The following FHDC1 variants were observed in gnomAD, a reference collection of about 807,000 sequenced individuals.
FHDC1 encodes FH2 domain-containing protein 1.
In FHDC1, 25 loss-of-function variants were observed where a neutral mutation model predicts 52.6. The observed-to-expected ratio is 0.48, with a 90% CI of 0.35 to 0.66. The LOEUF (loss-of-function observed/expected upper bound fraction) is 0.66. FHDC1 is among the 30% of genes least tolerant of loss of function. The pLI is 0.01. For synonymous variants in FHDC1, 616 were observed against 581.5 expected (o/e 1.06, Z -0.85); for missense variants, 1,459 against 1,452.8 (o/e 1.00, Z -0.07).
At position 152,943,158 on chromosome 4, in the gene FHDC1, C is replaced by G. The variant is rs1206458771; in HGVS notation, c.101C>G (p.Pro34Arg). Reference protein sequence around the residue: ...FMIGQTPPPAPPPPPPPPPPS... With the variant: ...FMIGQTPPPARPPPPPPPPPS... ...ATTGGGCAGACACCTCCTCCAGCAC[C>G]TCCTCCACCTCCTCCTCCACCCCCT... Residue 34 changes from proline (P) to arginine (R), a missense_variant, in exon 2 of 12, where the codon CCT becomes CGT. Transcript: ENST00000511601. 2.5e-6 allele frequency: 4 copies of G among 1,613,098 alleles called. No individual in the cohort carries two copies. The Admixed American group carries it at 6.7e-5, about 27-fold the overall frequency.
At chr4:152,927,677 A>G in the FHDC1 span, 1 of 1,573,778 alleles carries the variant, frequency 6.4e-7, no homozygotes, top group South Asian at 1.1e-5. Context: ...ATTCAAAAAC[A>G]TGGTAAGAGG....
chr4:152,976,068 G>T lies in FHDC1; in HGVS notation c.2777G>T (p.Gly926Val), dbSNP rs773446032. The change falls in exon 12 of 12, where the codon GGG becomes GTG. Residue 926 changes from glycine (G) to valine (V), a missense_variant. Physicochemically the swap from Gly to Val is moderately radical, Grantham distance 109. Transcript: ENST00000511601. ...AGGCGACCAGAGCTGTCATCCCGGG[G>T]GCCCTCCCAGAATCCCCCCAGCAGC... The part of the protein sequence containing the change: ...GWRRPELSSR[G>V]PSQNPPSSTD... 1.9e-6 allele frequency: 3 copies of T among 1,600,538 alleles called. No homozygotes were observed. The African/African-American group carries it at 4.0e-5, about 22-fold the overall frequency.
At chr4:152,964,646 C>G (rs1477344625) in intron 8 of FHDC1, among the ~76,000 whole-genome samples, 1 of 152,212 alleles carries the variant, frequency 6.6e-6, no homozygotes, top group Non-Finnish European at 1.5e-5. Flanking sequence ...ACAAGGGGCC[C>G]TGCTGAGCTG....
chr4:152,972,751 A>G (rs1740679113), intron 11 of FHDC1, among the ~76,000 whole-genome samples: 1 of 152,036 alleles, frequency 6.6e-6, no homozygotes, highest in Non-Finnish European at 1.5e-5. Flanking sequence ...CATCAGGGGG[A>G]GGCATTTGAC....
chr4:152,972,990 G>C (rs547730599), intron 11 of FHDC1, among the ~76,000 whole-genome samples: 11 of 152,266 alleles, frequency 7.2e-5, no homozygotes, highest in African/African-American at 2.6e-4. Context: ...AAGCTCTGCT[G>C]CCGTCACTGT....
chr4:152,932,796 TG>T (rs1265495981), upstream of FHDC1, among the ~76,000 whole-genome samples: 3 of 152,244 alleles, frequency 2.0e-5, no homozygotes, highest in Non-Finnish European at 4.4e-5. Flanking sequence ...CTGTTTTACA[TG>T]GATTCTGAAA....
chr4:152,918,340 C>G, the FHDC1 span: 1 of 152,230 alleles, frequency 6.6e-6, no homozygotes, highest in Non-Finnish European at 1.5e-5. Flanking sequence ...AGTGAACTAA[C>G]TTCAACAATT....
At chr4:152,962,963 G>GTGTA in intron 7 of FHDC1, 60 bp from the exon 8 acceptor site, 1 of 1,489,708 alleles carries the variant, frequency 6.7e-7, no homozygotes, top group Non-Finnish European at 9.4e-7. Flanking sequence ...GTGTGTGTGT[G>GTGTA]TGTGTGTGTG....
At chr4:152,954,774 A>G (rs993061803) in intron 4 of FHDC1, among the ~76,000 whole-genome samples, 5 of 152,172 alleles carry the variant, frequency 3.3e-5, no homozygotes, top group Admixed American at 1.3e-4. Flanking sequence ...TCTCACATAA[A>G]AGTAAAAAGT....
intron 1 of FHDC1, among the ~76,000 whole-genome samples, chr4:152,937,673 G>A (rs1739434023): frequency 6.6e-6 from 1 of 151,798 alleles, no homozygotes; most frequent in Non-Finnish European, 1.5e-5. Flanking sequence ...TCTCCCCGCC[G>A]CAGAGCTGGC....
chr4:152,946,358 G>A (rs1739731867), intron 2 of FHDC1, among the ~76,000 whole-genome samples: 1 of 152,140 alleles, frequency 6.6e-6, no homozygotes, highest in Non-Finnish European at 1.5e-5. Flanking sequence ...AAGTGCATTA[G>A]GTAATGCTGT....
chr4:152,934,879 A>G (rs1455589289), upstream of FHDC1, among the ~76,000 whole-genome samples: 1 of 152,164 alleles, frequency 6.6e-6, no homozygotes, highest in African/African-American at 2.4e-5. Flanking sequence ...AGGAGTAGGC[A>G]AGGGGTGTGG....
At chr4:152,959,708 T>C (rs1740215379) in intron 4 of FHDC1, among the ~76,000 whole-genome samples, 1 of 152,144 alleles carries the variant, frequency 6.6e-6, no homozygotes, top group South Asian at 2.1e-4. Context: ...GATGTGGGGC[T>C]TTTTCATCTT....
chr4:152,964,241 T>C (rs1455160808), intron 8 of FHDC1, among the ~76,000 whole-genome samples: 4 of 152,212 alleles, frequency 2.6e-5, no homozygotes, highest in Non-Finnish European at 5.9e-5. Flanking sequence ...CTATTATTAC[T>C]ATATTCTTCA....
chr4:152,976,462 C>T lies in FHDC1; in HGVS notation c.3171C>T (p.Ala1057=). ...MRTDLPPVAK[A]PGITRTVSQR... is the part of the protein sequence containing the mutation. ...CAGATCTTCCTCCCGTGGCCAAAGC[C>T]CCCGGCATCACTCGGACAGTGTCGC... Residue 1057 remains alanine (A), a synonymous_variant, in exon 12 of 12, where the codon GCC becomes GCT. Coordinates refer to ENST00000511601, the MANE Select transcript of FHDC1 (RefSeq NM_001371116.1). The T allele has an allele frequency of 6.2e-7, 1 of 1,613,652 alleles. No homozygotes were observed.
In FHDC1 at chr4:152,968,295, T is replaced by A. The variant is rs566369998; in HGVS notation, c.1218+198T>A. Among the ~76,000 whole-genome samples, 75 of 148,018 alleles carry A rather than the reference T, an allele frequency of 5.1e-4. No individual in the cohort carries two copies. In the South Asian group the frequency reaches 0.011, roughly 21 times the overall value. ...TAAATGTGATCTAAGCCTGATATAT[T>A]TTTTTTTTTTGTCTCTTCGTTTGTT... is the stretch of plus-strand genomic sequence containing the variant. On this transcript the variant is annotated intron_variant, in intron 10 of 11. Transcript: ENST00000511601.
chr4:152,934,705 C>T (rs1027584237), upstream of FHDC1, among the ~76,000 whole-genome samples: 12 of 152,126 alleles, frequency 7.9e-5, no homozygotes, highest in African/African-American at 2.9e-4. Flanking sequence ...CAGAGAAGTC[C>T]AGAGAAGCAT....
upstream of FHDC1, among the ~76,000 whole-genome samples, chr4:152,931,923 C>T (rs10030112): frequency 0.012 from 1,431 of 119,980 alleles, 22 homozygotes; most frequent in African/African-American, 0.047. Context: ...GGTGATGGAG[C>T]GAGAACCTGT....
chr4:152,969,671 T>G (rs540267396), intron 10 of FHDC1, among the ~76,000 whole-genome samples: 87 of 151,018 alleles, frequency 5.8e-4, no homozygotes, highest in Non-Finnish European at 1.1e-3. Context: ...AGTCGTTTTT[T>G]TTTTTTTTTT....
Sources: allele counts gnomAD v4.1 joint callset (sites outside exome capture counted in the v4.1 genomes callset), GRCh38; gene constraint gnomAD v4.1.1; transcripts MANE v1.5; gene names NCBI Gene and HGNC (gene_info 2026-07-23, HGNC 2026-07-21).